NRXN3: variants seen among roughly 807,000 people sequenced by gnomAD.
The protein encoded by NRXN3 is neurexin 3, also known as neurexin III.
A neutral mutation model predicts 137.6 loss-of-function variants in NRXN3; 32 were observed. The observed-to-expected ratio is 0.23, with a 90% CI of 0.18 to 0.31. The LOEUF (loss-of-function observed/expected upper bound fraction) is 0.31. Ranked by LOEUF, NRXN3 falls within the 10% of genes least tolerant of loss-of-function variation. The probability of loss-of-function intolerance (pLI) is 1.00; values close to 1 mark genes in which losing one functional copy is unlikely to be tolerated. For synonymous variants in NRXN3, 798 were observed against 784.5 expected, an observed-to-expected ratio of 1.02 and a Z score of -0.29; for missense variants, 1,574 against 2,062.5, an observed-to-expected ratio of 0.76 and a Z score of 4.59.
intron 7 of NRXN3, 71 bp from the exon 8 acceptor site, chr14:78,714,683 ACT>A: frequency 6.5e-7 from 1 of 1,536,862 alleles, no homozygotes. Context: ...TGGGCTCAGC[ACT>A]CACCTGTTAG....
intron 16 of NRXN3, among the ~76,000 whole-genome samples, chr14:79,591,994 T>C (rs751113465): frequency 2.0e-5 from 3 of 152,180 alleles, no homozygotes; most frequent in Non-Finnish European, 4.4e-5. Flanking sequence ...GACAAATGCA[T>C]ACCATTGTGG....
In NRXN3 at chr14:79,280,335, C is replaced by G. The variant is rs372995928; in HGVS notation, c.3263-186886C>G. ...GCGAGACGGAGCCCTCCTCGCCGGC[C>G]GGCCTGGACGCTTGGGATCTGGTTC... On this transcript the variant is annotated intron_variant, in intron 15 of 20. Coordinates refer to ENST00000335750, the MANE Select transcript of NRXN3 (RefSeq NM_001330195.2). The G allele has an allele frequency of 7.4e-6, 12 of 1,614,074 alleles. No individual in the cohort carries two copies. The East Asian group carries it at 2.5e-4, about 33-fold the overall frequency.
At chr14:79,412,299 T>A (rs1323087576) in intron 15 of NRXN3, among the ~76,000 whole-genome samples, 1 of 152,118 alleles carries the variant, frequency 6.6e-6, no homozygotes, top group African/African-American at 2.4e-5. Context: ...TAGGTTTTAT[T>A]TACAAATACT....
intron 9 of NRXN3, among the ~76,000 whole-genome samples, chr14:78,805,597 A>G (rs1257272884): frequency 6.8e-6 from 1 of 147,226 alleles, no homozygotes; most frequent in Admixed American, 6.6e-5. Context: ...GAAAAAAACA[A>G]CAGAAAAAAA....
chr14:79,527,151 G>A (rs1429716248), intron 16 of NRXN3, among the ~76,000 whole-genome samples: 1 of 151,688 alleles, frequency 6.6e-6, no homozygotes, highest in Non-Finnish European at 1.5e-5. Context: ...AAAATTAGCC[G>A]GGCATGGTGG....
chr14:78,778,629 A>G (rs2153018108), intron 8 of NRXN3, among the ~76,000 whole-genome samples: 1 of 152,126 alleles, frequency 6.6e-6, no homozygotes, highest in East Asian at 1.9e-4. Flanking sequence ...AAACTTTACC[A>G]TAAAAAATTC....
intron 4 of NRXN3, among the ~76,000 whole-genome samples, chr14:78,392,784 A>G (rs1402857345): frequency 6.6e-6 from 1 of 152,186 alleles, no homozygotes. Context: ...AGTGGGTTGT[A>G]GCAAGAAGAC....
intron 19 of NRXN3, among the ~76,000 whole-genome samples, chr14:79,739,995 G>A (rs1347899180): frequency 1.3e-5 from 2 of 151,968 alleles, no homozygotes; most frequent in Admixed American, 1.3e-4. Flanking sequence ...CTCTGAATAT[G>A]TCCAGAGGAT....
At chr14:78,595,857 GGA>G (rs1040674688) in intron 4 of NRXN3, among the ~76,000 whole-genome samples, 1 of 152,138 alleles carries the variant, frequency 6.6e-6, no homozygotes, top group African/African-American at 2.4e-5. Context: ...GGGTGGCAGA[GGA>G]GAGAGAGATA....
intron 17 of NRXN3, among the ~76,000 whole-genome samples, chr14:79,677,063 A>G (rs575591738): frequency 2.8e-4 from 42 of 152,248 alleles, no homozygotes; most frequent in African/African-American, 1.0e-3. Context: ...CTTGACAAGC[A>G]TTAACTATAA....
chr14:78,976,991 T>C (rs1453685717), intron 14 of NRXN3, among the ~76,000 whole-genome samples: 2 of 152,232 alleles, frequency 1.3e-5, no homozygotes, highest in African/African-American at 4.8e-5. Context: ...GTCTGTTTCA[T>C]AGGTGACTTT....
chr14:78,929,795 G>A (rs1283756785), intron 10 of NRXN3, among the ~76,000 whole-genome samples: 3 of 152,126 alleles, frequency 2.0e-5, no homozygotes, highest in African/African-American at 4.8e-5. Flanking sequence ...TATAAGGGAA[G>A]CATTAAATAT....
At chr14:78,537,452 G>A (rs1039388130) in intron 4 of NRXN3, among the ~76,000 whole-genome samples, 7 of 152,112 alleles carry the variant, frequency 4.6e-5, no homozygotes, top group African/African-American at 1.4e-4. Flanking sequence ...CTTTTTGGTG[G>A]GGTTGTTTGA....
At chr14:78,536,643 A>G (rs2096538542) in intron 4 of NRXN3, among the ~76,000 whole-genome samples, 1 of 152,000 alleles carries the variant, frequency 6.6e-6, no homozygotes, top group South Asian at 2.1e-4. Context: ...GTTCTAGGGT[A>G]CATGTGCACA....
At chr14:78,220,114 A>G (rs2063693252) in intron 1 of NRXN3, among the ~76,000 whole-genome samples, 1 of 152,146 alleles carries the variant, frequency 6.6e-6, no homozygotes, top group African/African-American at 2.4e-5. Flanking sequence ...TGAGAATACT[A>G]AGGAAGGTAA....
At chr14:78,851,549 T>G (rs1452477672) in intron 10 of NRXN3, among the ~76,000 whole-genome samples, 1 of 152,124 alleles carries the variant, frequency 6.6e-6, no homozygotes, top group East Asian at 1.9e-4. Flanking sequence ...CCTGTACCGG[T>G]AAAACTTTCA....
intron 15 of NRXN3, among the ~76,000 whole-genome samples, chr14:79,206,529 A>G (rs147941550): frequency 2.0e-4 from 31 of 152,344 alleles, no homozygotes; most frequent in African/African-American, 7.2e-4. Flanking sequence ...TGAGAATTCC[A>G]TGAGCTGAAG....
chr14:79,721,157 T>C (rs910996473), intron 19 of NRXN3, among the ~76,000 whole-genome samples: 2 of 152,206 alleles, frequency 1.3e-5, no homozygotes, highest in African/African-American at 4.8e-5. Context: ...ATCTTGCAGA[T>C]AAATTGTATT....
intron 15 of NRXN3, among the ~76,000 whole-genome samples, chr14:79,022,942 A>G (rs1235992826): frequency 2.0e-5 from 3 of 152,090 alleles, no homozygotes; most frequent in Non-Finnish European, 4.4e-5. Context: ...TATAAAGTCT[A>G]TTTGGAAAGG....
Sources: allele counts gnomAD v4.1 joint callset (sites outside exome capture counted in the v4.1 genomes callset), GRCh38; gene constraint gnomAD v4.1.1; transcripts MANE v1.5; gene names NCBI Gene and HGNC (gene_info 2026-07-23, HGNC 2026-07-21).